WDR72: variants seen among roughly 807,000 people sequenced by gnomAD.
WDR72 encodes the protein WD repeat domain 72.
A neutral mutation model predicts 124.2 loss-of-function variants in WDR72; 120 were observed. The ratio of observed to expected loss-of-function variants is 0.97; its 90% confidence interval spans 0.83 to 1.12. WDR72 has a LOEUF of 1.12. WDR72 is among the 50% of genes most tolerant of loss of function. WDR72 has a pLI of 0.00. For synonymous variants in WDR72, 452 were observed against 441.7 expected (o/e 1.02, Z -0.29); for missense variants, 1,387 against 1,278.8 (o/e 1.08, Z -1.29).
intron 13 of WDR72, among the ~76,000 whole-genome samples, chr15:53,674,927 G>A (rs1038174464): frequency 5.9e-5 from 9 of 152,038 alleles, no homozygotes; most frequent in African/African-American, 2.2e-4. Context: ...AAGAGGTGTG[G>A]CGGGGGACAA....
At chr15:53,650,776 C>T (rs1381556939) in intron 14 of WDR72, among the ~76,000 whole-genome samples, 1 of 152,008 alleles carries the variant, frequency 6.6e-6, no homozygotes, top group Non-Finnish European at 1.5e-5. Flanking sequence ...TTTTTGCCAA[C>T]TTGATGTTAA....
At chr15:53,733,254 C>T in intron 1 of WDR72, 93 bp from the exon 2 acceptor site, 1 of 1,357,056 alleles carries the variant, frequency 7.4e-7, no homozygotes. Flanking sequence ...GATGACCAAA[C>T]TTCAATGATG....
chr15:53,616,917 A>G (rs2013790341), intron 14 of WDR72, among the ~76,000 whole-genome samples: 1 of 151,944 alleles, frequency 6.6e-6, no homozygotes, highest in Non-Finnish European at 1.5e-5. Context: ...ATTTCCTTAC[A>G]GAATATGAAA....
At chr15:53,611,337 T>C (rs1238808962) in intron 16 of WDR72, among the ~76,000 whole-genome samples, 2 of 152,128 alleles carry the variant, frequency 1.3e-5, no homozygotes, top group African/African-American at 2.4e-5. Flanking sequence ...GATGATTCTA[T>C]AGTAACAGTA....
At chr15:53,599,526 C>T (rs2012946149) in intron 17 of WDR72, among the ~76,000 whole-genome samples, 1 of 152,114 alleles carries the variant, frequency 6.6e-6, no homozygotes, top group African/African-American at 2.4e-5. Flanking sequence ...CTTTCAGTAA[C>T]AGAATAGTGC....
intron 15 of WDR72, among the ~76,000 whole-genome samples, chr15:53,614,450 G>A (rs957407583): frequency 6.6e-6 from 1 of 152,078 alleles, no homozygotes; most frequent in Non-Finnish European, 1.5e-5. Context: ...CAGTAGAGAA[G>A]CAGTCTCTAA....
intron 11 of WDR72, among the ~76,000 whole-genome samples, chr15:53,703,076 G>A (rs1301583632): frequency 6.6e-6 from 1 of 151,256 alleles, no homozygotes; most frequent in Non-Finnish European, 1.5e-5. Flanking sequence ...ACCATGCCCA[G>A]CTAATTTTTG....
At position 53,515,345 on chromosome 15, in the gene WDR72, G is replaced by A. The variant is rs1338009046; in HGVS notation, c.*2354C>T. 2 of 151,784 alleles carry A rather than the reference G, an allele frequency of 1.3e-5. No homozygotes were observed. Among genetic ancestry groups the A allele is most frequent in the African/African-American group, 4.8e-5 (2 of 41,332 alleles). 9.4% of individuals were successfully genotyped at this position (151,784 alleles called of 1,614,324 possible). On this transcript the variant is annotated 3_prime_UTR_variant, in exon 20 of 20. Transcript: ENST00000360509. ...AAGTGGTTATGATCACCACGTACGTGGTCTATCCAGTTAACTGTGTGGCAA... is the reference window on the plus strand; with the variant it reads ...AAGTGGTTATGATCACCACGTACGTAGTCTATCCAGTTAACTGTGTGGCAA...
At position 53,702,436 on chromosome 15, in the gene WDR72, T is replaced by C. The variant is rs1268919287; in HGVS notation, c.1349-82A>G. The C allele has an allele frequency of 3.4e-5, 39 of 1,162,184 alleles. No individual in the cohort carries two copies. In the South Asian group the frequency reaches 4.0e-4, roughly 12 times the overall value. The allele number at this position is 1,162,184 out of a possible 1,614,324, so 72.0% of individuals were successfully genotyped here. On this transcript the variant is annotated intron_variant, in intron 11 of 19. Coordinates refer to ENST00000360509, the MANE Select transcript of WDR72 (RefSeq NM_182758.4). Reference sequence around the variant, plus strand: ...CCCAAGATTCTCTTCTATAAAATTTTAACATAAGGAAATTACATATAATTA... The same window carrying C: ...CCCAAGATTCTCTTCTATAAAATTTCAACATAAGGAAATTACATATAATTA...
intron 13 of WDR72, among the ~76,000 whole-genome samples, chr15:53,676,303 T>C (rs1285005430): frequency 1.3e-5 from 2 of 152,212 alleles, no homozygotes; most frequent in Non-Finnish European, 2.9e-5. Flanking sequence ...CAGTGATTAT[T>C]AAAGGGCAAA....
intron 18 of WDR72, among the ~76,000 whole-genome samples, chr15:53,593,340 T>TA (rs1357002959): frequency 6.6e-6 from 1 of 152,114 alleles, no homozygotes; most frequent in Non-Finnish European, 1.5e-5. Context: ...GCTTACTGGA[T>TA]AACAGCACAG....
intron 7 of WDR72, among the ~76,000 whole-genome samples, 171 bp downstream of exon 7, chr15:53,712,601 C>T (rs925624710): frequency 8.2e-6 from 1 of 122,486 alleles, no homozygotes; most frequent in Non-Finnish European, 1.9e-5. Context: ...AACCACCCCA[C>T]CGCCAAAAAA....
intron 18 of WDR72, among the ~76,000 whole-genome samples, chr15:53,526,353 A>G (rs985411084): frequency 1.3e-5 from 2 of 152,058 alleles, no homozygotes; most frequent in African/African-American, 4.8e-5. Context: ...GGAAAACCCA[A>G]AGGGAGCTCA....
intron 13 of WDR72, among the ~76,000 whole-genome samples, chr15:53,692,141 C>T (rs983389875): frequency 2.6e-5 from 4 of 152,184 alleles, no homozygotes; most frequent in African/African-American, 9.7e-5. Flanking sequence ...ACTCTCCCCA[C>T]AGGAATACTT....
chr15:53,749,096 C>T (rs969769465), intron 1 of WDR72, among the ~76,000 whole-genome samples: 8 of 152,042 alleles, frequency 5.3e-5, no homozygotes, highest in Non-Finnish European at 8.8e-5. Context: ...AATTAGAGCT[C>T]GAAGCCAAAA....
intron 14 of WDR72, among the ~76,000 whole-genome samples, chr15:53,620,422 A>G (rs187943306): frequency 0.02 from 2,413 of 120,832 alleles, 67 homozygotes; most frequent in African/African-American, 0.12. Context: ...AGAAAAACTT[A>G]TATTTTACCA....
At chr15:53,547,938 AAAAG>A (rs1893555428) in intron 18 of WDR72, among the ~76,000 whole-genome samples, 1 of 131,466 alleles carries the variant, frequency 7.6e-6, no homozygotes, top group Non-Finnish European at 1.9e-5. Context: ...GGACAGCAAA[AAAAG>A]AAAAGAAAAG....
intron 14 of WDR72, among the ~76,000 whole-genome samples, chr15:53,640,936 T>C (rs1177247939): frequency 6.6e-6 from 1 of 151,952 alleles, no homozygotes; most frequent in East Asian, 1.9e-4. Flanking sequence ...AAGTCTGTTA[T>C]AAGGTTTTAA....
chr15:53,671,895 A>C (rs1160947753), intron 13 of WDR72, among the ~76,000 whole-genome samples: 2 of 151,976 alleles, frequency 1.3e-5, no homozygotes, highest in Non-Finnish European at 1.5e-5. Flanking sequence ...ATGCACAGAG[A>C]GAGACAGAAA....
Sources: gnomAD v4.1 joint callset for allele counts (sites outside exome capture counted in the v4.1 genomes callset) on GRCh38, gnomAD v4.1.1 for gene constraint, MANE v1.5 for transcripts, NCBI Gene and HGNC (gene_info 2026-07-23, HGNC 2026-07-21) for gene names.